Variants in DHX34 observed in about 807,000 individuals in gnomAD.
DHX34 encodes the protein DExH-box helicase 34.
In DHX34, 96 loss-of-function variants were observed where a neutral mutation model predicts 111.1. The observed-to-expected ratio is 0.86, with a 90% CI of 0.73 to 1.02. DHX34 has a LOEUF of 1.02. DHX34 is among the 50% of genes least tolerant of loss of function. DHX34 has a pLI of 0.00. For missense variants in DHX34, 1,560 were observed against 1,579.9 expected (o/e 0.99, Z 0.21); for synonymous variants, 688 against 670.4 (o/e 1.03, Z -0.41).
rs1969509082 is a variant in DHX34 at position 47,357,971 on chromosome 19, C to T, written c.1123C>T (p.Pro375Ser). The T allele has an allele frequency of 6.2e-7, 1 of 1,614,024 alleles. No homozygotes were observed. Among genetic ancestry groups the T allele is most frequent in the African/African-American group, 1.3e-5 (1 of 75,078 alleles). Residue 375 changes from proline (P) to serine (S), a missense_variant, in exon 4 of 17, where the codon CCT (proline) becomes TCT (serine). By Grantham distance (74) the Pro-to-Ser change is moderately conservative (BLOSUM62 -1). Transcript: ENST00000328771. ...VLESIDHKYPPEERGDLLVFL... is the reference protein window; with the variant it reads ...VLESIDHKYPSEERGDLLVFL... ...GGAGTCCATTGACCACAAGTACCCG[C>T]CTGAGGAGCGGGGTGACCTCCTCGT...
rs1438553953 is a variant in DHX34, at chr19:47,381,235, C to G, written c.3209C>G (p.Pro1070Arg). Residue 1070 changes from proline (P) to arginine (R), a missense_variant, in exon 16 of 17, where the codon CCC becomes CGC. Pro to Arg is a moderately radical substitution (Grantham distance 103). Transcript: ENST00000328771. ...TGTCTCCGAACCTTCTGGACCTGCCCCCACTGTGGCCTGCATGCGCCCCTC... is the reference window on the plus strand; with the variant it reads ...TGTCTCCGAACCTTCTGGACCTGCCGCCACTGTGGCCTGCATGCGCCCCTC... ...SDCLRTFWTC[P>R]HCGLHAPLTP... The G allele has an allele frequency of 6.2e-7, 1 of 1,614,100 alleles. No individual in the cohort carries two copies. The highest frequency in any genetic ancestry group is 2.2e-5 in the East Asian group (1 of 44,882).
In DHX34 at chr19:47,380,985, G is replaced by C; in HGVS notation, c.3152G>C (p.Cys1051Ser). 2 of 1,576,152 alleles carry C rather than the reference G, an allele frequency of 1.3e-6. No homozygotes were observed. The highest frequency in any genetic ancestry group is 2.4e-5 in the South Asian group (2 of 85,072). ...GTCACTGACTTCCTCACCTACAACTGCCTCACGGTAAGCATGAACCCTCCT... is the reference window on the plus strand; with the variant it reads ...GTCACTGACTTCCTCACCTACAACTCCCTCACGGTAAGCATGAACCCTCCT... ...YAVTDFLTYN[C>S]LTNDTDLYSD... is the part of the protein sequence containing the mutation. Residue 1051 changes from cysteine to serine, a missense_variant, in exon 15 of 17, where the codon TGC (cysteine) becomes TCC (serine). Coordinates refer to ENST00000328771, the MANE Select transcript of DHX34 (RefSeq NM_014681.6).
intron 5 of DHX34, among the ~76,000 whole-genome samples, chr19:47,360,819 G>T (rs1482290407): frequency 6.6e-6 from 1 of 151,972 alleles, no homozygotes; most frequent in Non-Finnish European, 1.5e-5. Flanking sequence ...TTACAGACAT[G>T]CATCACCACG....
rs531835921 is a variant in DHX34 at position 47,353,915 on chromosome 19, T to G, written c.705+180T>G. Among the ~76,000 whole-genome samples, 3 of 152,208 alleles carry G rather than the reference T, an allele frequency of 2.0e-5. No individual in the cohort carries two copies. The highest frequency in any genetic ancestry group is 4.8e-5 in the African/African-American group (2 of 41,458). On this transcript the variant is annotated intron_variant, in intron 2 of 16. Coordinates refer to ENST00000328771, the MANE Select transcript of DHX34 (RefSeq NM_014681.6). This position sits in a 1 kb window ranked among gnomAD's most constrained non-coding sequence, Gnocchi z 4.6. ...GTCTACATGACAAAGGAGCTAGCAT[T>G]AACCAGTGTAGCACTTTAACAGCAA...
chr19:47,370,670 TTTTATTTATTTATTTA>T (rs71180829), intron 7 of DHX34, among the ~76,000 whole-genome samples: 2 of 151,274 alleles, frequency 1.3e-5, no homozygotes, highest in Non-Finnish European at 3.0e-5. Context: ...TTCATTTTTG[TTTTATTTATTTATTTA>T]TTTATTTAGA....
rs1355050298 is a variant in DHX34, at chr19:47,379,170, A to T, written c.2707-540A>T. 4.0e-5 allele frequency among the ~76,000 whole-genome samples: 6 copies of T among 151,820 alleles called. No individual in the cohort carries two copies. The East Asian group carries it at 5.8e-4, about 15-fold the overall frequency. On this transcript the variant is annotated intron_variant, in intron 13 of 16. Coordinates refer to ENST00000328771, the MANE Select transcript of DHX34 (RefSeq NM_014681.6). ...AATAATAATAATAATAAGAAGAAGA[A>T]GATGGAGAAACTTCACATTCACATA... is the stretch of plus-strand genomic sequence containing the variant.
At position 47,380,698 on chromosome 19, in the gene DHX34, C is replaced by T. The variant is rs1312034442; in HGVS notation, c.2983-118C>T. ...GCAGCCAAATTGTGATTGGTGTAAG[C>T]ACTTGGCTCCCGTAACTGCAAAGCC... On this transcript the variant is annotated intron_variant, in intron 14 of 16. Coordinates refer to ENST00000328771, the MANE Select transcript of DHX34 (RefSeq NM_014681.6). The T allele has an allele frequency of 4.0e-6, 6 of 1,508,602 alleles. No individual in the cohort carries two copies. The Admixed American group carries it at 6.6e-5, about 17-fold the overall frequency. 93.5% of individuals were successfully genotyped at this position (1,508,602 alleles called of 1,614,324 possible). A position where few individuals can be genotyped will look rare whatever the true frequency, so the allele number is the denominator to read the frequency against.
chr19:47,352,055 T>C (rs892852540), intron 1 of DHX34, among the ~76,000 whole-genome samples: 1 of 152,228 alleles, frequency 6.6e-6, no homozygotes, highest in Non-Finnish European at 1.5e-5. Context: ...ATCACACCTC[T>C]CTCCTATTAC....
intron 7 of DHX34, among the ~76,000 whole-genome samples, chr19:47,371,915 TGACAC>T (rs1365910264): frequency 6.6e-6 from 1 of 150,914 alleles, no homozygotes; most frequent in Admixed American, 6.6e-5. Context: ...GTCAGACACA[TGACAC>T]AGACCACTAG....
Position 47,352,791 on chromosome 19 carries a change from A to C in DHX34, c.-240A>C. 1 of 631,736 alleles carries C rather than the reference A, an allele frequency of 1.6e-6. No homozygotes were observed. The highest frequency in any genetic ancestry group is 2.9e-5 in the South Asian group (1 of 34,246). The allele number at this position is 631,736 out of a possible 1,614,324, so 39.1% of individuals were successfully genotyped here. ...GAAAACCCAGAATGAACTTGTGTCC[A>C]TCCCAGAGATCACTGCAGATGTCAT... is the stretch of plus-strand genomic sequence containing the variant. On this transcript the variant is annotated 5_prime_UTR_variant, in exon 2 of 17. Transcript: ENST00000328771.
At position 47,375,711 on chromosome 19, in the gene DHX34, G is replaced by GGACATCCA. The variant is rs763884606; in HGVS notation, c.2307+4_2307+5insACATCCAG. On this transcript the variant is annotated splice_donor_region_variant and intron_variant, in intron 10 of 16. Coordinates refer to ENST00000328771, the MANE Select transcript of DHX34 (RefSeq NM_014681.6). ...CCAGTGATGGCGTGGACATCCAGGT[G>GGACATCCA]GGCGCCATGGGCTGTGGGGTGTGGG... 6.4e-6 allele frequency: 10 copies of GGACATCCA among 1,560,534 alleles called. No individual in the cohort carries two copies. Among genetic ancestry groups the GGACATCCA allele is most frequent in the Non-Finnish European group, 7.8e-6 (9 of 1,157,864 alleles).
At chr19:47,378,810 C>G in intron 13 of DHX34, among the ~76,000 whole-genome samples, 1 of 149,822 alleles carries the variant, frequency 6.7e-6, no homozygotes, top group Non-Finnish European at 1.5e-5. Context: ...GCACTCCAGC[C>G]TGGGTGACAG....
In DHX34 at chr19:47,358,083, C is replaced by T; in HGVS notation, c.1235C>T (p.Pro412Leu). ...CACACCCAGCGCTGGGTGGTACTGC[C>T]ACTGCACAGCGCCCTGTCTGTGGCC... ...ASHTQRWVVL[P>L]LHSALSVADQ... Residue 412 changes from proline (P) to leucine (L), a missense_variant, in exon 4 of 17, where the codon CCA (proline) becomes CTA (leucine). Transcript: ENST00000328771. The T allele has an allele frequency of 6.2e-7, 1 of 1,612,382 alleles. No individual in the cohort carries two copies. The highest frequency in any genetic ancestry group is 8.5e-7 in the Non-Finnish European group (1 of 1,179,150).
At position 47,362,394 on chromosome 19, in the gene DHX34, G is replaced by C. The variant is rs536746285; in HGVS notation, c.1376-82G>C. The C allele has an allele frequency of 1.8e-5, 25 of 1,410,012 alleles. 1 individual carries two copies. In the African/African-American group the frequency reaches 3.3e-4, roughly 18 times the overall value. 87.3% of individuals were successfully genotyped at this position (1,410,012 alleles called of 1,614,324 possible). On this transcript the variant is annotated intron_variant, in intron 5 of 16. Coordinates refer to ENST00000328771, the MANE Select transcript of DHX34 (RefSeq NM_014681.6). ...GAATAAAGGAGTAAGTGAGGGTGTT[G>C]GCGAGTGACAAGAGCCAGGCGCGTG...
At chr19:47,378,832 G>A (rs186044121) in intron 13 of DHX34, among the ~76,000 whole-genome samples, 16 of 151,094 alleles carry the variant, frequency 1.1e-4, no homozygotes, top group Middle Eastern at 3.6e-3. Context: ...GTGAGACACT[G>A]TCTCAAAAAA....
chr19:47,379,605 TAGAC>T (rs1315231979), intron 13 of DHX34, 101 bp from the exon 14 acceptor site: 71 of 1,492,674 alleles, frequency 4.8e-5, no homozygotes, highest in Admixed American at 1.8e-4. Context: ...ATGCCTCACA[TAGAC>T]AGGGCTGGTG....
intron 11 of DHX34, 152 bp from the exon 12 acceptor site, chr19:47,376,291 T>C (rs61440989): frequency 0.057 from 84,929 of 1,489,944 alleles, 6,558 homozygotes; most frequent in African/African-American, 0.37. Context: ...AAGAGCACTA[T>C]AGGAGCCCAC....
chr19:47,381,449 T>C lies in DHX34; in HGVS notation c.3298+125T>C. The C allele has an allele frequency of 2.2e-6, 3 of 1,367,314 alleles. No homozygotes were observed. The South Asian group carries it at 4.3e-5, about 20-fold the overall frequency. The allele number at this position is 1,367,314 out of a possible 1,614,324, so 84.7% of individuals were successfully genotyped here. The stretch of plus-strand genomic sequence containing the variant: ...ACTGACGACCTCCACCCGCTGGCCC[T>C]GGCTGGTGCCACACACAGGCCTTGT... On this transcript the variant is annotated intron_variant, in intron 16 of 16. Transcript: ENST00000328771.
rs1271189567 is a variant in DHX34 at position 47,379,868 on chromosome 19, C to A, written c.2865C>A (p.Asp955Glu). The change falls in exon 14 of 17, where the codon GAC (aspartate) becomes GAA (glutamate). Residue 955 changes from aspartate to glutamate, a missense_variant. Physicochemically the swap from Asp to Glu is conservative, Grantham distance 45. Coordinates refer to ENST00000328771, the MANE Select transcript of DHX34 (RefSeq NM_014681.6). The stretch of plus-strand genomic sequence containing the variant: ...GTGCCCGCTGGGAAAGTGCCCTGGA[C>A]CGGCAGCTGGCGCACCAGGCCCAGC... ...RLRARWESAL[D>E]RQLAHQAQQQ... 4 of 1,613,654 alleles carry A rather than the reference C, an allele frequency of 2.5e-6. No homozygotes were observed. The highest frequency in any genetic ancestry group is 3.4e-6 in the Non-Finnish European group (4 of 1,179,784).
Sources: gnomAD v4.1 joint callset for allele counts (sites outside exome capture counted in the v4.1 genomes callset) on GRCh38, gnomAD v4.1.1 for gene constraint, Gnocchi (gnomAD v3.1) non-coding constraint, MANE v1.5 for transcripts, NCBI Gene and HGNC (gene_info 2026-07-23, HGNC 2026-07-21) for gene names.